Variants in PCLAF observed in about 807,000 individuals in gnomAD.
PCLAF encodes the protein PCNA-associated factor.
PCLAF carries 12 observed loss-of-function variants against 15.1 expected under a neutral mutation model. The ratio of observed to expected loss-of-function variants is 0.79; its 90% CI spans 0.51 to 1.29. The LOEUF (loss-of-function observed/expected upper bound fraction) is 1.29. Ranked by LOEUF, PCLAF falls within the 50% of genes most tolerant of loss-of-function variation. PCLAF has a pLI of 0.00. For missense variants in PCLAF, 116 were observed against 130.9 expected (o/e 0.89, Z 0.56); for synonymous variants, 33 against 47.1 (o/e 0.70, Z 1.22).
chr15:64,377,906 C>A (rs1899677719), intron 2 of PCLAF, among the ~76,000 whole-genome samples: 1 of 151,046 alleles, frequency 6.6e-6, no homozygotes. Flanking sequence ...CGCCCGCCAC[C>A]ACGCCCAGCT....
chr15:64,367,695 AC>A (rs1349776089), intron 3 of PCLAF, among the ~76,000 whole-genome samples: 1 of 151,310 alleles, frequency 6.6e-6, no homozygotes, highest in Non-Finnish European at 1.5e-5. Flanking sequence ...TTACAGACAT[AC>A]GCCACCATGC....
intron 3 of PCLAF, among the ~76,000 whole-genome samples, chr15:64,371,172 ATTAGC>A (rs1899296896): frequency 6.6e-6 from 1 of 151,562 alleles, no homozygotes. Context: ...GTTTCACTGT[ATTAGC>A]CAGGATGGTC....
upstream of PCLAF, among the ~76,000 whole-genome samples, chr15:64,383,795 C>T (rs1280474826): frequency 2.0e-5 from 3 of 152,140 alleles, no homozygotes; most frequent in African/African-American, 7.2e-5. Flanking sequence ...TTTCTCCTTG[C>T]CCACCTGCCA....
intron 3 of PCLAF, among the ~76,000 whole-genome samples, chr15:64,375,562 G>A (rs1212668872): frequency 4.0e-5 from 6 of 151,760 alleles, no homozygotes; most frequent in Non-Finnish European, 5.9e-5. Context: ...AGGCGGCGCC[G>A]CCACCCTTTT....
At chr15:64,383,144 A>C (rs1899866994), upstream of PCLAF, among the ~76,000 whole-genome samples, 1 of 152,202 alleles carries the variant, frequency 6.6e-6, no homozygotes, top group Non-Finnish European at 1.5e-5. Context: ...TCAGTACTTT[A>C]ACAGAATCAA....
upstream of PCLAF, among the ~76,000 whole-genome samples, chr15:64,383,884 T>C (rs1200254409): frequency 6.6e-6 from 1 of 152,116 alleles, no homozygotes; most frequent in African/African-American, 2.4e-5. Flanking sequence ...TGTGTTTGTT[T>C]TTGTTTGCAT....
At chr15:64,369,919 C>A (rs546722489) in intron 3 of PCLAF, among the ~76,000 whole-genome samples, 1 of 152,144 alleles carries the variant, frequency 6.6e-6, no homozygotes, top group Non-Finnish European at 1.5e-5. Flanking sequence ...TCACACATAC[C>A]ATAGGTCAAG....
upstream of PCLAF, among the ~76,000 whole-genome samples, chr15:64,385,512 C>G (rs1369338204): frequency 6.6e-6 from 1 of 151,974 alleles, no homozygotes; most frequent in Non-Finnish European, 1.5e-5. Flanking sequence ...GTAATCCCAG[C>G]TACTCGGGAA....
chr15:64,368,260 G>T (rs529612288), intron 3 of PCLAF, among the ~76,000 whole-genome samples: 1 of 151,998 alleles, frequency 6.6e-6, no homozygotes, highest in African/African-American at 2.4e-5. Context: ...CAGGAGAATC[G>T]CTTGAACCCA....
intron 3 of PCLAF, among the ~76,000 whole-genome samples, chr15:64,376,363 A>G (rs904558572): frequency 1.3e-5 from 2 of 152,086 alleles, no homozygotes; most frequent in Non-Finnish European, 2.9e-5. Context: ...TATTTTCAAG[A>G]TATTTTCTTT....
intron 3 of PCLAF, 114 bp from the exon 4 acceptor site, chr15:64,366,189 T>C (rs1899023353): frequency 1.7e-6 from 1 of 599,220 alleles, no homozygotes; most frequent in East Asian, 3.2e-5. Flanking sequence ...AGATCTGGTC[T>C]AATGACTAGA....
At chr15:64,373,881 T>G in intron 3 of PCLAF, 2 of 989,700 alleles carry the variant, frequency 2.0e-6, no homozygotes, top group East Asian at 6.1e-5. Context: ...ACAAAACATT[T>G]AAGTTGCTTA....
At chr15:64,369,164 C>T (rs1004980398) in intron 3 of PCLAF, among the ~76,000 whole-genome samples, 6 of 151,918 alleles carry the variant, frequency 3.9e-5, no homozygotes, top group African/African-American at 1.5e-4. Context: ...GAGTTCAAGA[C>T]CAGCCTAGGC....
upstream of PCLAF, chr15:64,382,423 AAAAAG>A: frequency 1.3e-5 from 2 of 159,470 alleles, no homozygotes; most frequent in Non-Finnish European, 2.8e-5. Flanking sequence ...CTCAAAAAAA[AAAAAG>A]AAAGAAAGAA....
chr15:64,377,494 T>A (rs1178336774), intron 2 of PCLAF, among the ~76,000 whole-genome samples: 5,304 of 10,916 alleles, frequency 0.49, 967 homozygotes, highest in Non-Finnish European at 0.55. Context: ...AAAAAATATA[T>A]ATATATATAT....
At position 64,381,109 on chromosome 15, in the gene PCLAF, C is replaced by A. The variant is rs553888960; in HGVS notation, c.47-71G>T. On this transcript the variant is annotated intron_variant, in intron 1 of 3. Transcript: ENST00000300035. ...TCCGACACCGAGTCCTGGACCCCAG[C>A]AGCTTGGAGAGGAGAGCCTGGCGAT... 10 of 1,461,480 alleles carry A rather than the reference C, an allele frequency of 6.8e-6. No individual in the cohort carries two copies. The Admixed American group carries it at 1.2e-4, about 18-fold the overall frequency. The allele number at this position is 1,461,480 out of a possible 1,614,324, so 90.5% of individuals were successfully genotyped here.
At chr15:64,375,556 G>T (rs142360955) in intron 3 of PCLAF, among the ~76,000 whole-genome samples, 2 of 151,836 alleles carry the variant, frequency 1.3e-5, no homozygotes, top group Non-Finnish European at 2.9e-5. Context: ...GATTATAGGC[G>T]GCGCCGCCAC....
At chr15:64,375,221 T>A (rs1037651583) in intron 3 of PCLAF, among the ~76,000 whole-genome samples, 3 of 151,682 alleles carry the variant, frequency 2.0e-5, no homozygotes, top group Admixed American at 2.0e-4. Flanking sequence ...ACCTTTCAGG[T>A]TCAAGCAATT....
At chr15:64,372,479 C>T (rs1292396254) in intron 3 of PCLAF, among the ~76,000 whole-genome samples, 4 of 151,322 alleles carry the variant, frequency 2.6e-5, no homozygotes, top group South Asian at 2.1e-4. Flanking sequence ...CCGGGCGTGG[C>T]GGCGTGCGCC....
Sources: allele counts gnomAD v4.1 joint callset (sites outside exome capture counted in the v4.1 genomes callset), GRCh38; gene constraint gnomAD v4.1.1; transcripts MANE v1.5; gene names NCBI Gene and HGNC (gene_info 2026-07-23, HGNC 2026-07-21).